The following RNPC3 variants were observed in gnomAD, a reference collection of about 807,000 sequenced individuals.
The protein encoded by RNPC3 is RNA binding region (RNP1, RRM) containing 3.
In RNPC3, 48 loss-of-function variants were observed where a neutral mutation model predicts 67.5. The observed-to-expected ratio is 0.71, with a 90% CI of 0.56 to 0.90. The LOEUF (loss-of-function observed/expected upper bound fraction) is 0.90. RNPC3 is among the 40% of genes least tolerant of loss of function. The probability of loss-of-function intolerance (pLI) is 0.00; values close to 1 mark genes in which losing one functional copy is unlikely to be tolerated. For missense variants in RNPC3, 637 were observed against 626.1 expected, an observed-to-expected ratio of 1.02 and a Z score of -0.19; for synonymous variants, 239 against 210.3, an observed-to-expected ratio of 1.14 and a Z score of -1.18.
Position 103,545,064 on chromosome 1 carries a change from C to G in RNPC3, c.1169C>G (p.Ser390Cys). The G allele has an allele frequency of 6.5e-7, 1 of 1,533,468 alleles. No individual in the cohort carries two copies. Among genetic ancestry groups the G allele is most frequent in the South Asian group, 1.2e-5 (1 of 83,548 alleles). 95.0% of individuals were successfully genotyped at this position (1,533,468 alleles called of 1,614,324 possible). A position where few individuals can be genotyped will look rare whatever the true frequency, so the allele number is the denominator to read the frequency against. Residue 390 changes from serine (S) to cysteine (C), a missense_variant, in exon 10 of 15, where the codon TCT becomes TGT. Ser to Cys is a moderately radical substitution (Grantham distance 112). This residue lies in a region of RNPC3 where 536 missense variants were observed against 500.3 expected (regional missense o/e 1.07). Transcript: ENST00000423855. ...DSDEMPSECISRRELEKGRIS... is the reference protein window; with the variant it reads ...DSDEMPSECICRRELEKGRIS... ...GATGAAATGCCTTCAGAATGTATTT[C>G]TAGAAGGGAATTGGAAAAGGGCAGA...
intron 7 of RNPC3, among the ~76,000 whole-genome samples, chr1:103,539,766 A>G (rs1311706724): frequency 6.6e-6 from 1 of 152,230 alleles, no homozygotes; most frequent in Non-Finnish European, 1.5e-5. Context: ...TCTCTAAACT[A>G]AATCTGAAAT....
chr1:103,543,867 T>A (rs537757384), intron 9 of RNPC3, among the ~76,000 whole-genome samples: 12 of 151,846 alleles, frequency 7.9e-5, no homozygotes, highest in African/African-American at 2.9e-4. Context: ...ATATATATAT[T>A]TTTTAATCCA....
At chr1:103,536,313 T>A in intron 6 of RNPC3, 119 bp downstream of exon 6, 1 of 676,174 alleles carries the variant, frequency 1.5e-6, no homozygotes, top group Non-Finnish European at 2.6e-6. Context: ...GGAACGGGTA[T>A]AAAGTAATAT....
intron 14 of RNPC3, chr1:103,554,752 A>G (rs1408998379): frequency 6.6e-6 from 1 of 152,598 alleles, no homozygotes; most frequent in East Asian, 1.9e-4. Context: ...ATCTGCTACT[A>G]TTATTAGATC....
chr1:103,527,165 T>C (rs1401624558), intron 1 of RNPC3, among the ~76,000 whole-genome samples: 1 of 152,184 alleles, frequency 6.6e-6, no homozygotes, highest in African/African-American at 2.4e-5. Context: ...AGTGATTCTT[T>C]TACTGTTGAT....
intron 2 of RNPC3, among the ~76,000 whole-genome samples, chr1:103,529,830 G>C (rs1471146343): frequency 6.6e-6 from 1 of 152,186 alleles, no homozygotes; most frequent in Non-Finnish European, 1.5e-5. Context: ...CCACCTGTTA[G>C]AACCTGGGCC....
Position 103,533,875 on chromosome 1 carries a change from T to C in RNPC3, c.359+18T>C, listed in dbSNP as rs994374707. The C allele has an allele frequency of 4.1e-5, 47 of 1,152,712 alleles. No individual in the cohort carries two copies. The highest frequency in any genetic ancestry group is 5.6e-5 in the Non-Finnish European group (45 of 802,572). 71.4% of individuals were successfully genotyped at this position (1,152,712 alleles called of 1,614,324 possible). ...AAAAAAAGGTATGTAGATCAGTAAATCATACATTTTTGTTACATTTTTAAA... is the reference window on the plus strand; with the variant it reads ...AAAAAAAGGTATGTAGATCAGTAAACCATACATTTTTGTTACATTTTTAAA... On this transcript the variant is annotated intron_variant, in intron 3 of 14. Transcript: ENST00000423855.
rs371390980 is a variant in RNPC3, at chr1:103,537,494, A to G, written c.767+10A>G. 9.2e-6 allele frequency: 14 copies of G among 1,527,410 alleles called. No individual in the cohort carries two copies. In the African/African-American group the frequency reaches 1.1e-4, roughly 12 times the overall value. The allele number at this position is 1,527,410 out of a possible 1,614,324, so 94.6% of individuals were successfully genotyped here. ...ATGAGGACCGACAGAGGTTTGTAAC[A>G]TGAAAAATTTGTTTAGTTTCCAAGA... On this transcript the variant is annotated intron_variant, in intron 7 of 14. Transcript: ENST00000423855.
Position 103,536,097 on chromosome 1 carries a change from T to A in RNPC3, c.556-29T>A. ...AAGATGTGAGTTGAATCATTTTATA[T>A]GTGAATTTAAATGTCTTACCACTTT... On this transcript the variant is annotated intron_variant, in intron 5 of 14. Coordinates refer to ENST00000423855, the MANE Select transcript of RNPC3 (RefSeq NM_017619.4). 3 of 1,461,564 alleles carry A rather than the reference T, an allele frequency of 2.1e-6. No homozygotes were observed. In the South Asian group the frequency reaches 3.6e-5, roughly 18 times the overall value. The allele number at this position is 1,461,564 out of a possible 1,614,324, so 90.5% of individuals were successfully genotyped here.
chr1:103,534,674 G>C, intron 3 of RNPC3, 100 bp from the exon 4 acceptor site: 1 of 584,032 alleles, frequency 1.7e-6, no homozygotes, highest in Non-Finnish European at 2.8e-6. Flanking sequence ...TAATGAAGCT[G>C]TTTTTATAAT....
intron 1 of RNPC3, among the ~76,000 whole-genome samples, chr1:103,527,469 G>A (rs1212785485): frequency 1.3e-5 from 2 of 152,180 alleles, no homozygotes; most frequent in African/African-American, 2.4e-5. Flanking sequence ...TGTGTAAAAC[G>A]TGTGTCTTTA....
chr1:103,526,163 C>T lies in RNPC3; in HGVS notation c.93C>T (p.Val31=), dbSNP rs763203929. 10 of 1,551,438 alleles carry T rather than the reference C, an allele frequency of 6.4e-6. No homozygotes were observed. The African/African-American group carries it at 1.1e-4, about 17-fold the overall frequency. The change falls in exon 1 of 15, where the codon GTC becomes GTT. Residue 31 remains valine, a synonymous_variant. Coordinates refer to ENST00000423855, the MANE Select transcript of RNPC3 (RefSeq NM_017619.4). Reference sequence around the variant, plus strand: ...CTCGGGGCGACCGAACCCTTCTGGTCAGGCACCTGCCGGCTGAGCTTACTG... The same window carrying T: ...CTCGGGGCGACCGAACCCTTCTGGTTAGGCACCTGCCGGCTGAGCTTACTG... The part of the protein sequence containing the change: ...SPPRGDRTLL[V]RHLPAELTAE...
chr1:103,548,641 A>G (rs1651306568), intron 12 of RNPC3, among the ~76,000 whole-genome samples: 1 of 151,918 alleles, frequency 6.6e-6, no homozygotes, highest in South Asian at 2.1e-4. Flanking sequence ...ACTTTCCCAC[A>G]TTTTCCTGTC....
At position 103,525,889 on chromosome 1, in the gene RNPC3, C is replaced by A. The variant is rs1482508908; in HGVS notation, c.-182C>A. The stretch of plus-strand genomic sequence containing the variant: ...ACCGCGCCCTTCCCCGAAGAGTCTT[C>A]GAAGGGTTGCCGCTTTTCGGTGGCG... On this transcript the variant is annotated 5_prime_UTR_variant, in exon 1 of 15. Coordinates refer to ENST00000423855, the MANE Select transcript of RNPC3 (RefSeq NM_017619.4). 5.1e-6 allele frequency: 3 copies of A among 589,990 alleles called. No individual in the cohort carries two copies. Among genetic ancestry groups the A allele is most frequent in the Non-Finnish European group, 9.0e-6 (3 of 334,970 alleles). The allele number at this position is 589,990 out of a possible 1,614,324, so 36.5% of individuals were successfully genotyped here. A position where few individuals can be genotyped will look rare whatever the true frequency, so the allele number is the denominator to read the frequency against.
chr1:103,538,745 A>T (rs1651053582), intron 7 of RNPC3, among the ~76,000 whole-genome samples: 1 of 152,208 alleles, frequency 6.6e-6, no homozygotes, highest in African/African-American at 2.4e-5. Context: ...TTACCTCAGA[A>T]TAATTTCTAG....
rs1264749396 is a variant in RNPC3, at chr1:103,543,310, T to C, written c.908T>C (p.Val303Ala). The change falls in exon 9 of 15, where the codon GTG (valine) becomes GCG (alanine). Residue 303 changes from valine to alanine, a missense_variant. Around this residue, in one of 3 missense-constraint regions of RNPC3, gnomAD observed 536 missense variants for 500.3 expected, o/e 1.07. Coordinates refer to ENST00000423855, the MANE Select transcript of RNPC3 (RefSeq NM_017619.4). ...LCPSHSSLHP[V>A]LLPSDVFDQP... Reference sequence around the variant, plus strand: ...TTTTTAAATAGCAGTTTACATCCAGTGCTGTTACCTTCAGATGTATTTGAC... The same window carrying C: ...TTTTTAAATAGCAGTTTACATCCAGCGCTGTTACCTTCAGATGTATTTGAC... 6.8e-7 allele frequency: 1 copy of C among 1,473,072 alleles called. No homozygotes were observed. The highest frequency in any genetic ancestry group is 8.9e-7 in the Non-Finnish European group (1 of 1,120,132). 91.3% of individuals were successfully genotyped at this position (1,473,072 alleles called of 1,614,324 possible). A position where few individuals can be genotyped will look rare whatever the true frequency, so the allele number is the denominator to read the frequency against.
intron 2 of RNPC3, among the ~76,000 whole-genome samples, chr1:103,532,515 A>C (rs1650883831): frequency 6.6e-6 from 1 of 152,130 alleles, no homozygotes. Flanking sequence ...ATTATAAATT[A>C]GTGAATCATT....
intron 14 of RNPC3, 68 bp downstream of exon 14, chr1:103,551,860 T>C (rs1048426428): frequency 4.5e-6 from 4 of 879,834 alleles, no homozygotes; most frequent in Non-Finnish European, 6.8e-6. Context: ...AATAAAAGTT[T>C]GACAAGGTAG....
chr1:103,538,339 T>G (rs1441082543), intron 7 of RNPC3, among the ~76,000 whole-genome samples: 1 of 152,148 alleles, frequency 6.6e-6, no homozygotes, highest in African/African-American at 2.4e-5. Flanking sequence ...ATTTTTGAGT[T>G]TTTTTGTTGT....
Sources: allele counts gnomAD v4.1 joint callset (sites outside exome capture counted in the v4.1 genomes callset), GRCh38; gene constraint gnomAD v4.1.1; regional missense constraint gnomAD v4.1.1; transcripts MANE v1.5; gene names NCBI Gene and HGNC (gene_info 2026-07-23, HGNC 2026-07-21).